TTC6: variants seen among roughly 807,000 people sequenced by gnomAD.
TTC6 encodes the protein tetratricopeptide repeat protein 6.
A neutral mutation model predicts 210.4 loss-of-function variants in TTC6; 172 were observed. The ratio of observed to expected loss-of-function variants is 0.82; its 90% confidence interval spans 0.72 to 0.93. TTC6 has a LOEUF of 0.93. Among genes scored for constraint, TTC6 ranks in the 40% least tolerant of loss-of-function variants. TTC6 has a pLI of 0.00. For missense variants in TTC6, 2,414 were observed against 2,318.1 expected (o/e 1.04, Z -0.85); for synonymous variants, 804 against 819.6 (o/e 0.98, Z 0.32).
chr14:37,710,558 A>G (rs1278177384), intron 5 of TTC6, among the ~76,000 whole-genome samples: 2 of 152,192 alleles, frequency 1.3e-5, no homozygotes, highest in African/African-American at 4.8e-5. Flanking sequence ...TGGTTGTAAT[A>G]TCAATCACTT....
exon 11 of TTC6, chr14:37,749,258 A>G: frequency 3.9e-6 from 6 of 1,527,332 alleles, no homozygotes; most frequent in Non-Finnish European, 5.3e-6. Context: ...ACAAGAGGTC[A>G]TTAAATATTA....
At chr14:37,772,428 TC>T in intron 14 of TTC6, 1 of 166,760 alleles carries the variant, frequency 6.0e-6, no homozygotes, top group Non-Finnish European at 1.3e-5. Flanking sequence ...CAGTTTGATC[TC>T]AGACTGCCGT....
At chr14:37,620,978 G>C (rs1434860305), upstream of TTC6, among the ~76,000 whole-genome samples, 2 of 152,144 alleles carry the variant, frequency 1.3e-5, no homozygotes, top group African/African-American at 4.8e-5. Context: ...TTACTTTTCT[G>C]CTAAAAATTT....
chr14:37,617,014 C>A (rs905493032), intron 2 of TTC6, among the ~76,000 whole-genome samples: 1 of 152,000 alleles, frequency 6.6e-6, no homozygotes, highest in Non-Finnish European at 1.5e-5. Context: ...CTAGCTGGAA[C>A]CAGAGGCATG....
chr14:37,627,037 C>G (rs2095661562), intron 1 of TTC6, among the ~76,000 whole-genome samples: 1 of 152,114 alleles, frequency 6.6e-6, no homozygotes, highest in Non-Finnish European at 1.5e-5. Context: ...GCTTGGTGCT[C>G]TCTTTGCAAC....
At chr14:37,802,127 G>T (rs933965659) in intron 20 of TTC6, 1 of 152,090 alleles carries the variant, frequency 6.6e-6, no homozygotes. Flanking sequence ...ATTATCCTCA[G>T]CAAACTAATG....
intron 14 of TTC6, among the ~76,000 whole-genome samples, chr14:37,782,606 G>T (rs1465159130): frequency 1.3e-5 from 2 of 152,008 alleles, no homozygotes; most frequent in African/African-American, 4.8e-5. Context: ...TTTCCTAATT[G>T]AATACCCTTT....
At chr14:37,605,740 T>G (rs1437302219) in intron 1 of TTC6, among the ~76,000 whole-genome samples, 1 of 152,190 alleles carries the variant, frequency 6.6e-6, no homozygotes, top group Admixed American at 6.5e-5. Flanking sequence ...AGCAAAGCCC[T>G]TTGGAGGTGT....
At chr14:37,792,145 A>G in intron 16 of TTC6, 119 bp from the exon 19 acceptor site, 1 of 811,932 alleles carries the variant, frequency 1.2e-6, no homozygotes, top group East Asian at 2.9e-5. Context: ...TTTGTAAAAC[A>G]TTAAAAAATA....
intron 8 of TTC6, 99 bp downstream of exon 10, chr14:37,736,109 G>A: frequency 1.5e-6 from 1 of 676,490 alleles, no homozygotes; most frequent in East Asian, 2.9e-5. Flanking sequence ...CTTGGGGCCA[G>A]GCATGGTGGC....
At chr14:37,756,329 A>G (rs2095967587) in intron 14 of TTC6, among the ~76,000 whole-genome samples, 2 of 152,146 alleles carry the variant, frequency 1.3e-5, no homozygotes, top group Non-Finnish European at 2.9e-5. Flanking sequence ...TCCTATATGA[A>G]TATGCTTTAT....
chr14:37,660,971 C>T (rs905491586), intron 1 of TTC6, among the ~76,000 whole-genome samples: 1 of 152,208 alleles, frequency 6.6e-6, no homozygotes, highest in Non-Finnish European at 1.5e-5. Context: ...TTGCTGGCTA[C>T]ATGAATGTCT....
intron 3 of TTC6, among the ~76,000 whole-genome samples, chr14:37,689,708 T>C (rs928865509): frequency 2.0e-5 from 3 of 152,024 alleles, no homozygotes; most frequent in Admixed American, 1.3e-4. Context: ...CCTAGAATAA[T>C]GTATCTGGTG....
At chr14:37,789,660 G>T (rs2096075184) in intron 15 of TTC6, among the ~76,000 whole-genome samples, 2 of 145,016 alleles carry the variant, frequency 1.4e-5, no homozygotes, top group Admixed American at 1.4e-4. Flanking sequence ...TCTATATTCT[G>T]TATATATGTA....
intron 1 of TTC6, among the ~76,000 whole-genome samples, chr14:37,651,986 T>TA (rs2095713963): frequency 2.0e-5 from 3 of 152,116 alleles, no homozygotes; most frequent in Admixed American, 2.0e-4. Context: ...GTGATACAAC[T>TA]AAAGTCTTCA....
intron 21 of TTC6, among the ~76,000 whole-genome samples, chr14:37,805,387 A>G (rs2096115949): frequency 6.6e-6 from 1 of 150,654 alleles, no homozygotes; most frequent in African/African-American, 2.4e-5. Context: ...CCAATGGCTA[A>G]TGTTGGATAT....
chr14:37,700,429 G>C (rs1213344825), intron 4 of TTC6, among the ~76,000 whole-genome samples: 2 of 152,108 alleles, frequency 1.3e-5, no homozygotes, highest in African/African-American at 2.4e-5. Context: ...TTGGATTACA[G>C]GTGGCACTGG....
chr14:37,812,111 C>T (rs2096130849), intron 24 of TTC6, among the ~76,000 whole-genome samples: 1 of 152,136 alleles, frequency 6.6e-6, no homozygotes, highest in South Asian at 2.1e-4. Context: ...GTGTGCACTG[C>T]TTATTGGAAA....
chr14:37,622,357 C>G, exon 1 of TTC6: 2 of 1,530,890 alleles, frequency 1.3e-6, no homozygotes, highest in Non-Finnish European at 1.7e-6. Context: ...GGAGGCGCGC[C>G]GCGTCCCTCG....
Sources: gnomAD v4.1 joint callset for allele counts (sites outside exome capture counted in the v4.1 genomes callset) on GRCh38, gnomAD v4.1.1 for gene constraint, MANE v1.5 for transcripts, NCBI Gene and HGNC (gene_info 2026-07-23, HGNC 2026-07-21) for gene names.